Variants in FRMD4B observed in about 807,000 individuals in gnomAD.
The protein encoded by FRMD4B is FERM domain-containing protein 4B.
Under a neutral mutation model 141.5 loss-of-function variants are expected in FRMD4B, and 74 were observed. The observed-to-expected ratio is 0.52, with a 90% CI of 0.43 to 0.63. The LOEUF is 0.63. FRMD4B is among the 30% of genes least tolerant of loss of function. The probability of loss-of-function intolerance (pLI) is 0.00; values close to 1 mark genes in which losing one functional copy is unlikely to be tolerated. For missense variants in FRMD4B, 1,366 were observed against 1,253.4 expected (o/e 1.09, Z -1.36); for synonymous variants, 506 against 467.9 (o/e 1.08, Z -1.05).
At chr3:69,235,664 A>T (rs1042991542) in intron 7 of FRMD4B, among the ~76,000 whole-genome samples, 22 of 151,902 alleles carry the variant, frequency 1.4e-4, no homozygotes, top group African/African-American at 5.1e-4. Context: ...ATATCAAATT[A>T]AAAAAAAGAA....
intron 5 of FRMD4B, among the ~76,000 whole-genome samples, chr3:69,257,936 C>G (rs1485124026): frequency 6.6e-6 from 1 of 152,240 alleles, no homozygotes; most frequent in African/African-American, 2.4e-5. Flanking sequence ...AAGCAATTAT[C>G]CTGCCTCAGC....
chr3:69,514,003 A>T (rs991814484), intron 1 of FRMD4B, among the ~76,000 whole-genome samples: 1 of 152,188 alleles, frequency 6.6e-6, no homozygotes, highest in Non-Finnish European at 1.5e-5. Flanking sequence ...CAAAACAAGG[A>T]TCCCAGCTTT....
intron 4 of FRMD4B, among the ~76,000 whole-genome samples, chr3:69,291,950 C>T (rs184042735): frequency 7.1e-6 from 1 of 140,920 alleles, no homozygotes; most frequent in Admixed American, 7.6e-5. Context: ...TTGGTACCAC[C>T]AGATGCAGTA....
chr3:69,260,627 G>C (rs1369972095), intron 5 of FRMD4B, among the ~76,000 whole-genome samples: 2 of 152,268 alleles, frequency 1.3e-5, no homozygotes, highest in East Asian at 3.9e-4. Context: ...CCTAAGGGCT[G>C]AGGAGTGCAG....
intron 5 of FRMD4B, among the ~76,000 whole-genome samples, chr3:69,278,834 G>A (rs543160413): frequency 1.5e-4 from 23 of 151,828 alleles, no homozygotes; most frequent in South Asian, 1.2e-3. Flanking sequence ...AGCGATCTGC[G>A]CATCTCAGCC....
chr3:69,354,394 C>T (rs1316063272), intron 1 of FRMD4B, among the ~76,000 whole-genome samples: 1 of 152,000 alleles, frequency 6.6e-6, no homozygotes, highest in Non-Finnish European at 1.5e-5. Context: ...GGGTATCATG[C>T]TTCTCCCTCC....
At chr3:69,246,348 C>T (rs2093425576) in intron 7 of FRMD4B, among the ~76,000 whole-genome samples, 1 of 152,078 alleles carries the variant, frequency 6.6e-6, no homozygotes, top group Non-Finnish European at 1.5e-5. Flanking sequence ...CCCAGCCACT[C>T]AGGAGGCTGA....
chr3:69,212,381 GA>G (rs61444871), intron 11 of FRMD4B, among the ~76,000 whole-genome samples: 1 of 95,640 alleles, frequency 1.0e-5, no homozygotes, highest in East Asian at 3.2e-4. Context: ...AAAAAAAAAA[GA>G]AAAAAAAAAA....
intron 1 of FRMD4B, among the ~76,000 whole-genome samples, chr3:69,324,774 C>A (rs1451138565): frequency 6.6e-6 from 1 of 152,112 alleles, no homozygotes; most frequent in African/African-American, 2.4e-5. Context: ...CTTCTCTTTA[C>A]CCAGGAAGCA....
At chr3:69,202,765 C>T (rs1243972342) in intron 11 of FRMD4B, among the ~76,000 whole-genome samples, 2 of 152,086 alleles carry the variant, frequency 1.3e-5, no homozygotes, top group Non-Finnish European at 1.5e-5. Context: ...TCTTGAATCA[C>T]TAGTTGTGCC....
chr3:69,290,771 C>T (rs1017038873), intron 4 of FRMD4B, among the ~76,000 whole-genome samples: 1 of 152,184 alleles, frequency 6.6e-6, no homozygotes, highest in Admixed American at 6.5e-5. Flanking sequence ...CCTGATTTCA[C>T]AGACGCAGAC....
intron 7 of FRMD4B, chr3:69,228,244 C>G: frequency 2.3e-6 from 1 of 435,122 alleles, no homozygotes; most frequent in Non-Finnish European, 4.6e-6. Context: ...GATAAGAATC[C>G]TGAAAATTCT....
At chr3:69,375,053 C>A (rs1445887483) in intron 1 of FRMD4B, among the ~76,000 whole-genome samples, 1 of 146,716 alleles carries the variant, frequency 6.8e-6, no homozygotes, top group Non-Finnish European at 1.5e-5. Flanking sequence ...CCCACTTACC[C>A]ATCCACCCAT....
At chr3:69,317,862 A>C (rs1331648477) in intron 1 of FRMD4B, among the ~76,000 whole-genome samples, 1 of 151,416 alleles carries the variant, frequency 6.6e-6, no homozygotes, top group Non-Finnish European at 1.5e-5. Context: ...AGTCACTTAT[A>C]GTCCTTTTCA....
At chr3:69,516,000 AG>A (rs769439521) in intron 1 of FRMD4B, among the ~76,000 whole-genome samples, 18 of 152,120 alleles carry the variant, frequency 1.2e-4, no homozygotes, top group Non-Finnish European at 2.1e-4. Flanking sequence ...GTGACGCAGG[AG>A]GAACATTGGG....
At chr3:69,241,347 C>T (rs1218793746) in intron 7 of FRMD4B, among the ~76,000 whole-genome samples, 2 of 152,104 alleles carry the variant, frequency 1.3e-5, no homozygotes, top group African/African-American at 2.4e-5. Flanking sequence ...CTTATGTGTC[C>T]CCTTCTGGGA....
At chr3:69,392,401 G>T (rs1019884355) in intron 2 of FRMD4B, among the ~76,000 whole-genome samples, 3 of 152,146 alleles carry the variant, frequency 2.0e-5, no homozygotes, top group African/African-American at 7.2e-5. Context: ...GTGATGATGG[G>T]GGTACATGAT....
intron 5 of FRMD4B, among the ~76,000 whole-genome samples, chr3:69,263,242 G>C (rs933566251): frequency 6.6e-6 from 1 of 152,022 alleles, no homozygotes; most frequent in African/African-American, 2.4e-5. Flanking sequence ...GGGTGACAGA[G>C]CAAGACTCCG....
At chr3:69,180,091 G>A (rs1479209601) in intron 21 of FRMD4B, among the ~76,000 whole-genome samples, 1 of 151,968 alleles carries the variant, frequency 6.6e-6, no homozygotes. Context: ...AGGTATATAT[G>A]AATACTGAAT....
Sources: gnomAD v4.1 joint callset for allele counts (sites outside exome capture counted in the v4.1 genomes callset) on GRCh38, gnomAD v4.1.1 for gene constraint, MANE v1.5 for transcripts, NCBI Gene and HGNC (gene_info 2026-07-23, HGNC 2026-07-21) for gene names.